Variants in IMMP2L observed in about 807,000 individuals in gnomAD.
The protein encoded by IMMP2L is mitochondrial inner membrane protease subunit 2.
IMMP2L carries 18 observed loss-of-function variants against 19.3 expected under a neutral mutation model. The ratio of observed to expected loss-of-function variants is 0.93; its 90% CI spans 0.64 to 1.38. The LOEUF (loss-of-function observed/expected upper bound fraction) is 1.38. Among genes scored for constraint, IMMP2L ranks in the 40% most tolerant of loss-of-function variants. IMMP2L has a pLI of 0.00. For synonymous variants in IMMP2L, 76 were observed against 73.0 expected (o/e 1.04, Z -0.21); for missense variants, 233 against 218.2 (o/e 1.07, Z -0.43).
chr7:111,126,319 A>G (rs577284934), intron 3 of IMMP2L, among the ~76,000 whole-genome samples: 1 of 152,336 alleles, frequency 6.6e-6, no homozygotes, highest in East Asian at 1.9e-4. Flanking sequence ...TTTTAAAATT[A>G]CACCATAAAA....
chr7:111,524,101 CA>C (rs1269012795), intron 1 of IMMP2L, among the ~76,000 whole-genome samples: 2 of 152,016 alleles, frequency 1.3e-5, no homozygotes, highest in African/African-American at 4.8e-5. Context: ...CTTCAAGATG[CA>C]AAAGATGCAT....
chr7:110,866,548 C>T (rs938220459), intron 5 of IMMP2L, among the ~76,000 whole-genome samples: 1 of 152,036 alleles, frequency 6.6e-6, no homozygotes, highest in Non-Finnish European at 1.5e-5. Context: ...CCATCCTCCC[C>T]ACTGTGAAAC....
At chr7:110,887,871 T>C (rs799635) in intron 4 of IMMP2L, among the ~76,000 whole-genome samples, 2,043 of 152,148 alleles carry the variant, frequency 0.013, 39 homozygotes, top group African/African-American at 0.046. Context: ...AGTTCAGAAA[T>C]TGAGCTTGGC....
chr7:110,975,396 G>A (rs1443341762), intron 3 of IMMP2L, among the ~76,000 whole-genome samples: 1 of 152,060 alleles, frequency 6.6e-6, no homozygotes. Context: ...CATGGCTGTG[G>A]CTATGTGTAC....
chr7:111,545,908 T>C (rs1006741402), intron 1 of IMMP2L, among the ~76,000 whole-genome samples: 1 of 152,168 alleles, frequency 6.6e-6, no homozygotes, highest in African/African-American at 2.4e-5. Context: ...ATTTTTCATC[T>C]TCTTATAATT....
intron 3 of IMMP2L, among the ~76,000 whole-genome samples, chr7:111,228,676 G>A (rs1373193341): frequency 6.6e-6 from 1 of 151,868 alleles, no homozygotes; most frequent in Non-Finnish European, 1.5e-5. Context: ...TTCCTCTATT[G>A]GGCAATGGCA....
At chr7:111,552,446 C>T (rs1447355620) in intron 1 of IMMP2L, among the ~76,000 whole-genome samples, 3 of 152,116 alleles carry the variant, frequency 2.0e-5, no homozygotes, top group African/African-American at 7.2e-5. Context: ...TATCATCACA[C>T]CCGGCTAATT....
chr7:111,016,625 T>A (rs1412582533), intron 3 of IMMP2L, among the ~76,000 whole-genome samples: 2 of 110,388 alleles, frequency 1.8e-5, no homozygotes, highest in East Asian at 2.5e-4. Context: ...TATATACATA[T>A]ATATAATGCA....
At chr7:111,443,036 A>C (rs1467118242) in intron 3 of IMMP2L, among the ~76,000 whole-genome samples, 1 of 151,954 alleles carries the variant, frequency 6.6e-6, no homozygotes, top group Non-Finnish European at 1.5e-5. Context: ...AGGATTTTTC[A>C]TTTGAGTTTT....
intron 5 of IMMP2L, among the ~76,000 whole-genome samples, chr7:110,878,218 A>G (rs1309543186): frequency 6.6e-6 from 1 of 152,146 alleles, no homozygotes; most frequent in Non-Finnish European, 1.5e-5. Context: ...GTGACAGAGG[A>G]AACATTTGTG....
intron 5 of IMMP2L, among the ~76,000 whole-genome samples, chr7:110,863,900 A>G (rs574113487): frequency 7.2e-5 from 11 of 152,200 alleles, no homozygotes; most frequent in Non-Finnish European, 1.6e-4. Flanking sequence ...CCCAATATCA[A>G]TGGGATGCAG....
intron 3 of IMMP2L, among the ~76,000 whole-genome samples, chr7:111,115,200 T>C (rs1199698608): frequency 1.3e-5 from 2 of 152,270 alleles, no homozygotes; most frequent in East Asian, 3.9e-4. Context: ...TCAAACAATA[T>C]TGAATAATGT....
At chr7:110,784,233 G>T (rs76038907) in intron 5 of IMMP2L, among the ~76,000 whole-genome samples, 7,377 of 151,870 alleles carry the variant, frequency 0.049, 256 homozygotes, top group Non-Finnish European at 0.075. Context: ...TTCAGCAATG[G>T]AAAGACCTTA....
At chr7:110,761,171 G>A (rs1798327386) in intron 5 of IMMP2L, among the ~76,000 whole-genome samples, 1 of 152,068 alleles carries the variant, frequency 6.6e-6, no homozygotes, top group Admixed American at 6.6e-5. Flanking sequence ...TCCAGAAGGG[G>A]ACTAAGTGGT....
intron 4 of IMMP2L, among the ~76,000 whole-genome samples, chr7:110,955,853 G>T (rs145532136): frequency 6.9e-6 from 1 of 145,210 alleles, no homozygotes; most frequent in Admixed American, 6.6e-5. Flanking sequence ...TGACATAAAT[G>T]AATGCATGAT....
chr7:110,906,519 C>T (rs905202496), intron 4 of IMMP2L, among the ~76,000 whole-genome samples: 1 of 152,018 alleles, frequency 6.6e-6, no homozygotes, highest in African/African-American at 2.4e-5. Context: ...AAAAGAGAAC[C>T]AAATGTGCAC....
rs537307475 is a variant in IMMP2L, at chr7:111,358,826, C to T, written c.239+128412G>A. On this transcript the variant is annotated intron_variant, in intron 3 of 5. Coordinates refer to ENST00000405709, the MANE Select transcript of IMMP2L (RefSeq NM_032549.4). ...TCTCTTTTAGACTGATGAAAATTAA[C>T]AAGGGACAGAAATCAAGATAGTAAA... Among the ~76,000 whole-genome samples the T allele has an allele frequency of 5.9e-5, 9 of 152,144 alleles. No homozygotes were observed. The East Asian group carries it at 7.7e-4, about 13-fold the overall frequency.
intron 3 of IMMP2L, among the ~76,000 whole-genome samples, chr7:111,442,908 C>T (rs961160155): frequency 2.6e-5 from 4 of 151,732 alleles, no homozygotes; most frequent in African/African-American, 9.7e-5. Context: ...GTTACAAATA[C>T]CATTTAAACA....
intron 4 of IMMP2L, among the ~76,000 whole-genome samples, chr7:110,903,262 C>T (rs1168367124): frequency 6.6e-6 from 1 of 152,132 alleles, no homozygotes; most frequent in African/African-American, 2.4e-5. Context: ...AAAGCACTTA[C>T]CATGAGATAT....
Sources: gnomAD v4.1 joint callset for allele counts (sites outside exome capture counted in the v4.1 genomes callset) on GRCh38, gnomAD v4.1.1 for gene constraint, MANE v1.5 for transcripts, NCBI Gene and HGNC (gene_info 2026-07-23, HGNC 2026-07-21) for gene names.